Variants in PPFIBP1 observed in about 807,000 individuals in gnomAD.
The protein encoded by PPFIBP1 is liprin-beta-1.
Under a neutral mutation model 137.8 loss-of-function variants are expected in PPFIBP1, and 112 were observed. The observed-to-expected ratio is 0.81, with a 90% confidence interval of 0.70 to 0.95. The LOEUF is 0.95. Among genes scored for constraint, PPFIBP1 ranks in the 40% least tolerant of loss-of-function variants. PPFIBP1 has a pLI of 0.00. For missense variants in PPFIBP1, 1,083 were observed against 1,196.6 expected, an observed-to-expected ratio of 0.91 and a Z score of 1.40; for synonymous variants, 378 against 417.3, an observed-to-expected ratio of 0.91 and a Z score of 1.15.
chr12:27,664,432 C>T lies in PPFIBP1; in HGVS notation c.977C>T (p.Ala326Val), dbSNP rs891389959. ...YKKMQDTVVL[A>V]QGKKGKDGEY... ...AAAATGCAAGACACGGTGGTACTGG[C>T]CCAAGGTAAAAAAGGTAGAGTGTAG... is the stretch of plus-strand genomic sequence containing the variant. Residue 326 changes from alanine (A) to valine (V), a missense_variant, in exon 12 of 30, where the codon GCC becomes GTC. Ala to Val is a moderately conservative substitution (Grantham distance 64). Coordinates refer to ENST00000228425, the MANE Select transcript of PPFIBP1 (RefSeq NM_003622.4). The T allele has an allele frequency of 6.2e-7, 1 of 1,610,930 alleles. No individual in the cohort carries two copies. The highest frequency in any genetic ancestry group is 8.5e-7 in the Non-Finnish European group (1 of 1,177,978).
At chr12:27,638,947 T>G (rs992101015) in intron 4 of PPFIBP1, among the ~76,000 whole-genome samples, 1 of 152,214 alleles carries the variant, frequency 6.6e-6, no homozygotes, top group African/African-American at 2.4e-5. Context: ...TTTTCATTAG[T>G]GCAACTGGGC....
intron 2 of PPFIBP1, among the ~76,000 whole-genome samples, chr12:27,607,133 G>T (rs2137984467): frequency 6.6e-6 from 1 of 152,266 alleles, no homozygotes; most frequent in South Asian, 2.1e-4. Context: ...TAGGTTTTCT[G>T]TACAGATTAG....
intron 2 of PPFIBP1, among the ~76,000 whole-genome samples, chr12:27,584,739 T>G (rs2051519446): frequency 6.6e-6 from 1 of 152,198 alleles, no homozygotes; most frequent in Non-Finnish European, 1.5e-5. Context: ...GCCCAAGAAA[T>G]TATCATTTGT....
intron 15 of PPFIBP1, among the ~76,000 whole-genome samples, chr12:27,673,137 C>T (rs182424725): frequency 6.6e-6 from 1 of 152,282 alleles, no homozygotes; most frequent in East Asian, 1.9e-4. Flanking sequence ...CTAAACTGGT[C>T]ACATATCTCT....
intron 1 of PPFIBP1, among the ~76,000 whole-genome samples, chr12:27,550,014 C>G (rs1386167132): frequency 6.6e-6 from 1 of 152,206 alleles, no homozygotes; most frequent in Non-Finnish European, 1.5e-5. Context: ...GACTTAAATG[C>G]TGGACCTCAG....
chr12:27,628,043 T>C (rs1250295845), intron 2 of PPFIBP1, among the ~76,000 whole-genome samples: 1 of 152,090 alleles, frequency 6.6e-6, no homozygotes, highest in Non-Finnish European at 1.5e-5. Context: ...ACTCCTTTGT[T>C]GTGGTAGTGA....
At chr12:27,597,843 T>C (rs1213706946) in intron 2 of PPFIBP1, among the ~76,000 whole-genome samples, 2 of 152,154 alleles carry the variant, frequency 1.3e-5, no homozygotes, top group African/African-American at 4.8e-5. Flanking sequence ...TTGCTCTTGC[T>C]GCCCTGGCTG....
intron 1 of PPFIBP1, among the ~76,000 whole-genome samples, chr12:27,564,981 C>T (rs2049519058): frequency 1.3e-5 from 2 of 152,210 alleles, no homozygotes; most frequent in African/African-American, 4.8e-5. Context: ...TGAATCACTG[C>T]TGTCTCTTCA....
intron 4 of PPFIBP1, among the ~76,000 whole-genome samples, chr12:27,644,695 A>G (rs1014487529): frequency 2.0e-5 from 3 of 152,182 alleles, no homozygotes; most frequent in African/African-American, 4.8e-5. Context: ...TTGTAATTTA[A>G]TGCTGGGCAC....
At chr12:27,632,549 G>T (rs1213366360) in intron 2 of PPFIBP1, among the ~76,000 whole-genome samples, 2 of 152,178 alleles carry the variant, frequency 1.3e-5, no homozygotes, top group Non-Finnish European at 2.9e-5. Flanking sequence ...TGAGTAGATT[G>T]TGATGTAATT....
intron 1 of PPFIBP1, among the ~76,000 whole-genome samples, chr12:27,545,990 G>GT (rs1946205924): frequency 6.6e-6 from 1 of 152,190 alleles, no homozygotes; most frequent in Non-Finnish European, 1.5e-5. Flanking sequence ...GGTCTGGATT[G>GT]TAGAGTCATT....
chr12:27,538,882 A>T (rs115369958), intron 1 of PPFIBP1, among the ~76,000 whole-genome samples: 1 of 152,166 alleles, frequency 6.6e-6, no homozygotes, highest in Admixed American at 6.5e-5. Flanking sequence ...GTAGTTTTCA[A>T]TTGCAGTGAT....
intron 4 of PPFIBP1, among the ~76,000 whole-genome samples, chr12:27,640,024 A>G (rs368963276): frequency 2.6e-5 from 4 of 152,314 alleles, no homozygotes; most frequent in East Asian, 1.9e-4. Flanking sequence ...ATTGTATCCC[A>G]TATGTGATCA....
At chr12:27,619,243 G>C (rs1021032410) in intron 2 of PPFIBP1, among the ~76,000 whole-genome samples, 2 of 152,146 alleles carry the variant, frequency 1.3e-5, no homozygotes, top group South Asian at 2.1e-4. Context: ...TGCCTATAAC[G>C]TAAGAATATC....
intron 1 of PPFIBP1, among the ~76,000 whole-genome samples, chr12:27,535,361 C>T (rs1426445107): frequency 6.6e-6 from 1 of 152,002 alleles, no homozygotes; most frequent in Non-Finnish European, 1.5e-5. Context: ...CATGAATTTA[C>T]TCTTCATCTT....
At chr12:27,629,729 T>C (rs2057128321) in intron 2 of PPFIBP1, among the ~76,000 whole-genome samples, 1 of 152,212 alleles carries the variant, frequency 6.6e-6, no homozygotes, top group Admixed American at 6.5e-5. Context: ...CTTTTCATTT[T>C]TAAAAATACG....
At chr12:27,645,438 AT>A (rs57495507) in intron 4 of PPFIBP1, among the ~76,000 whole-genome samples, 4 of 151,740 alleles carry the variant, frequency 2.6e-5, no homozygotes, top group East Asian at 1.9e-4. Flanking sequence ...CTGAAACATG[AT>A]TTTTTTTTAA....
chr12:27,665,489 G>C (rs535010595), intron 12 of PPFIBP1, among the ~76,000 whole-genome samples: 1 of 152,256 alleles, frequency 6.6e-6, no homozygotes, highest in East Asian at 1.9e-4. Context: ...GGGTAAGGGG[G>C]ATTGAGTTCA....
At position 27,544,323 on chromosome 12, in the gene PPFIBP1, A is replaced by G. The variant is rs554730498; in HGVS notation, c.-124+19958A>G. Among the ~76,000 whole-genome samples, 4 of 152,348 alleles carry G rather than the reference A, an allele frequency of 2.6e-5. No individual in the cohort carries two copies. In the South Asian group the frequency reaches 8.3e-4, roughly 32 times the overall value. On this transcript the variant is annotated intron_variant, in intron 1 of 29. Coordinates refer to ENST00000228425, the MANE Select transcript of PPFIBP1 (RefSeq NM_003622.4). ...ATACAAAGGACTAAAAAATATGCCT[A>G]GTGATGGGCAAAGACTTCATGACTA... is the stretch of plus-strand genomic sequence containing the variant.
Sources: allele counts gnomAD v4.1 joint callset (sites outside exome capture counted in the v4.1 genomes callset), GRCh38; gene constraint gnomAD v4.1.1; transcripts MANE v1.5; gene names NCBI Gene and HGNC (gene_info 2026-07-23, HGNC 2026-07-21).